The following PDHA1 variants were observed in gnomAD, a reference collection of about 807,000 sequenced individuals.
The protein encoded by PDHA1 is pyruvate dehydrogenase E1 component subunit alpha, somatic form, mitochondrial.
PDHA1 carries 1 observed loss-of-function variant against 33.0 expected under a neutral mutation model. The ratio of observed to expected loss-of-function variants is 0.03; its 90% CI spans 0.01 to 0.14. PDHA1 has a LOEUF of 0.14. Ranked by LOEUF, PDHA1 falls within the 10% of genes least tolerant of loss-of-function variation. PDHA1 has a pLI of 1.00. For missense variants in PDHA1, 168 were observed against 325.1 expected (o/e 0.52, Z 3.72); for synonymous variants, 123 against 119.2 (o/e 1.03, Z -0.21).
chrX:19,357,259 T>TAA (rs1303260686), intron 8 of PDHA1: 1 of 221,231 alleles, frequency 4.5e-6, no homozygotes, highest in Non-Finnish European at 8.4e-6. Context: ...CATGCCTGGC[T>TAA]AATTTTTGTA....
Position 19,355,738 on chromosome X carries a change from C to A in PDHA1, c.812C>A (p.Ala271Asp). 8.3e-7 allele frequency: 1 copy of A among 1,204,624 alleles called. No individual in the cohort carries two copies. The highest frequency in any genetic ancestry group is 1.1e-6 in the Non-Finnish European group (1 of 888,952). The change falls in exon 8 of 11, where the codon GCC becomes GAC. Residue 271 changes from alanine (A) to aspartate (D), a missense_variant. Transcript: ENST00000422285. Reference sequence around the variant, plus strand: ...CGAGAGGCAACAAGGTTTGCTGCTGCCTATTGTAGATCTGGGAAGGTAAGG... The same window carrying A: ...CGAGAGGCAACAAGGTTTGCTGCTGACTATTGTAGATCTGGGAAGGTAAGG... ...CVREATRFAA[A>D]YCRSGKGPIL...
intron 10 of PDHA1, 134 bp from the exon 11 acceptor site, chrX:19,359,355 A>G (rs188745101): frequency 5.9e-5 from 33 of 556,700 alleles, no homozygotes; most frequent in African/African-American, 1.4e-4. Context: ...CTGTATTCCA[A>G]AATCTTCTGA....
chrX:19,349,593 AAAAAT>A (rs1371101982), intron 2 of PDHA1, among the ~76,000 whole-genome samples: 1 of 112,076 alleles, frequency 8.9e-6, no homozygotes, highest in Non-Finnish European at 1.9e-5. Flanking sequence ...AAATGAAAAT[AAAAAT>A]AAAAGCTTAT....
chrX:19,354,649 AT>A (rs1366420027), intron 6 of PDHA1, 66 bp downstream of exon 6: 78 of 717,460 alleles, frequency 1.1e-4, no homozygotes, highest in Non-Finnish European at 3.6e-5. Context: ...TTACAGTTGA[AT>A]TTCTAAAGAA....
Position 19,361,551 on chromosome X carries a change from T to G in PDHA1, c.*1898T>G. On this transcript the variant is annotated 3_prime_UTR_variant, in exon 11 of 11. Coordinates refer to ENST00000422285, the MANE Select transcript of PDHA1 (RefSeq NM_000284.4). ...CCGCAACCAGTCTATAAGCTCTTTA[T>G]CTGTTCTCTGCCCGTAGGGGCCTGC... 3 of 1,211,628 alleles carry G rather than the reference T, an allele frequency of 2.5e-6. No homozygotes were observed. Among genetic ancestry groups the G allele is most frequent in the South Asian group, 1.8e-5 (1 of 56,977 alleles).
chrX:19,358,388 T>C (rs1259132206), intron 9 of PDHA1, among the ~76,000 whole-genome samples: 1 of 111,901 alleles, frequency 8.9e-6, no homozygotes, highest in Non-Finnish European at 1.9e-5. Context: ...TCAGATGATA[T>C]AGGCATAAGA....
In PDHA1 at chrX:19,361,041, G is replaced by A. The variant is rs2063279119; in HGVS notation, c.*1388G>A. On this transcript the variant is annotated 3_prime_UTR_variant, in exon 11 of 11. Transcript: ENST00000422285. ...ATTTCAAATGACTCGGGAACAAGAA[G>A]GCAGGCTGCAGTTTAAAGAAGGGGG... The A allele has an allele frequency of 2.4e-6, 1 of 419,425 alleles. No homozygotes were observed. Among genetic ancestry groups the A allele is most frequent in the African/African-American group, 2.5e-5 (1 of 40,488 alleles). The allele number at this position is 419,425 out of a possible 1,213,427, so 34.6% of individuals were successfully genotyped here.
chrX:19,355,275 G>C, intron 6 of PDHA1, 74 bp from the exon 7 acceptor site: 1 of 1,101,301 alleles, frequency 9.1e-7, no homozygotes, highest in East Asian at 3.0e-5. Context: ...GTGCCAGGCA[G>C]AGCAGCAGCT....
intron 1 of PDHA1, 117 bp from the exon 2 acceptor site, chrX:19,349,189 CCTATGA>C: frequency 1.9e-6 from 1 of 525,806 alleles, no homozygotes; most frequent in Non-Finnish European, 3.4e-6. Context: ...GGAAGAGAAG[CCTATGA>C]ATATGTTGGG....
At chrX:19,354,437 G>T in intron 5 of PDHA1, 54 bp from the exon 6 acceptor site, 1 of 712,310 alleles carries the variant, frequency 1.4e-6, no homozygotes. Context: ...GCATTAATTA[G>T]TATCTCCCCT....
In PDHA1 at chrX:19,361,029, C is replaced by G. The variant is rs963546680; in HGVS notation, c.*1376C>G. 3 of 420,406 alleles carry G rather than the reference C, an allele frequency of 7.1e-6. No homozygotes were observed. Among genetic ancestry groups the G allele is most frequent in the African/African-American group, 4.9e-5 (2 of 40,531 alleles). The allele number at this position is 420,406 out of a possible 1,213,427, so 34.6% of individuals were successfully genotyped here. A position where few individuals can be genotyped will look rare whatever the true frequency, so the allele number is the denominator to read the frequency against. On this transcript the variant is annotated 3_prime_UTR_variant, in exon 11 of 11. Transcript: ENST00000422285. ...AGAGAGCTGGCTATTTCAAATGACTCGGGAACAAGAAGGCAGGCTGCAGTT... is the reference window on the plus strand; with the variant it reads ...AGAGAGCTGGCTATTTCAAATGACTGGGGAACAAGAAGGCAGGCTGCAGTT...
intron 5 of PDHA1, among the ~76,000 whole-genome samples, chrX:19,354,171 G>A (rs1357915697): frequency 1.8e-5 from 2 of 112,103 alleles, no homozygotes; most frequent in Non-Finnish European, 3.8e-5. Flanking sequence ...GTCTCGATCT[G>A]TGGACCTCGT....
intron 10 of PDHA1, 89 bp downstream of exon 10, chrX:19,359,113 G>GCCCAGAAAGTGATGTCCTGGGACATAA (rs1386379698): frequency 2.3e-5 from 13 of 566,061 alleles, no homozygotes; most frequent in Non-Finnish European, 4.1e-5. Flanking sequence ...GTTCCTCCAA[G>GCCCAGAAAGTGATGTCCTGGGACATAA]CCCAGAAAGT....
chrX:19,353,572 T>TG (rs1313564730), intron 5 of PDHA1, among the ~76,000 whole-genome samples: 1 of 111,838 alleles, frequency 8.9e-6, no homozygotes, highest in South Asian at 3.8e-4. Context: ...CGCCTAGTGA[T>TG]GCAATTCTGA....
intron 3 of PDHA1, among the ~76,000 whole-genome samples, chrX:19,351,006 G>T (rs1338334993): frequency 9.0e-6 from 1 of 111,724 alleles, no homozygotes; most frequent in African/African-American, 3.3e-5. Flanking sequence ...GGATTTTCAT[G>T]TGAAATTCCC....
chrX:19,357,007 C>CTTTG (rs1371091613), intron 8 of PDHA1, among the ~76,000 whole-genome samples: 1 of 112,318 alleles, frequency 8.9e-6, no homozygotes, highest in Non-Finnish European at 1.9e-5. Context: ...TGCCTGCCAA[C>CTTTG]TTTGTTACAC....
At position 19,359,733 on chromosome X, in the gene PDHA1, G is replaced by GTCAATGAAATTCAATGAAATTCT; in HGVS notation, c.*82_*104dup. 1.1e-6 allele frequency: 1 copy of GTCAATGAAATTCAATGAAATTCT among 938,764 alleles called. No homozygotes were observed. Among genetic ancestry groups the GTCAATGAAATTCAATGAAATTCT allele is most frequent in the East Asian group, 3.1e-5 (1 of 32,575 alleles). The allele number at this position is 938,764 out of a possible 1,213,427, so 77.4% of individuals were successfully genotyped here. A position where few individuals can be genotyped will look rare whatever the true frequency, so the allele number is the denominator to read the frequency against. The stretch of plus-strand genomic sequence containing the variant: ...CTTGGTTAAGGAGGAAGAAAACCCA[G>GTCAATGAAATTCAATGAAATTCT]TCAATGAAATTCAATGAAATTCTTG... On this transcript the variant is annotated 3_prime_UTR_variant, in exon 11 of 11. Transcript: ENST00000422285.
intron 10 of PDHA1, 115 bp from the exon 11 acceptor site, chrX:19,359,374 C>G: frequency 1.7e-6 from 1 of 597,907 alleles, no homozygotes; most frequent in Non-Finnish European, 2.9e-6. Context: ...GAATTAGCAA[C>G]TGTTCGTACT....
Position 19,361,539 on chromosome X carries a change from A to G in PDHA1, c.*1886A>G. 1 of 1,211,771 alleles carries G rather than the reference A, an allele frequency of 8.3e-7. No homozygotes were observed. Among genetic ancestry groups the G allele is most frequent in the Non-Finnish European group, 1.1e-6 (1 of 895,274 alleles). On this transcript the variant is annotated 3_prime_UTR_variant, in exon 11 of 11. Coordinates refer to ENST00000422285, the MANE Select transcript of PDHA1 (RefSeq NM_000284.4). ...AGCTCCTTGCAGCCGCAACCAGTCT[A>G]TAAGCTCTTTATCTGTTCTCTGCCC... is the stretch of plus-strand genomic sequence containing the variant.
Sources: allele counts gnomAD v4.1 joint callset (sites outside exome capture counted in the v4.1 genomes callset), GRCh38; gene constraint gnomAD v4.1.1; transcripts MANE v1.5; gene names NCBI Gene and HGNC (gene_info 2026-07-23, HGNC 2026-07-21).